PCSK5: variants seen among roughly 807,000 people sequenced by gnomAD.
PCSK5 encodes the protein proprotein convertase subtilisin/kexin type 5.
Under a neutral mutation model 233.2 loss-of-function variants are expected in PCSK5, and 129 were observed. The observed-to-expected ratio is 0.55, with a 90% CI of 0.48 to 0.64. The LOEUF (loss-of-function observed/expected upper bound fraction) is 0.64. PCSK5 is among the 30% of genes least tolerant of loss of function. PCSK5 has a pLI of 0.00. For missense variants in PCSK5, 2,076 were observed against 2,430.1 expected (o/e 0.85, Z 3.06); for synonymous variants, 825 against 879.2 (o/e 0.94, Z 1.09).
At chr9:76,245,184 A>G (rs1451336616) in intron 24 of PCSK5, among the ~76,000 whole-genome samples, 9 of 152,214 alleles carry the variant, frequency 5.9e-5, no homozygotes, top group African/African-American at 1.7e-4. Context: ...ATCAAATTAC[A>G]TAAGTTGTTC....
At chr9:76,064,156 C>A (rs1427903757) in intron 5 of PCSK5, among the ~76,000 whole-genome samples, 1 of 128,906 alleles carries the variant, frequency 7.8e-6, no homozygotes, top group East Asian at 2.4e-4. Context: ...ACCTCCCTCC[C>A]GGACGGGGCG....
At chr9:75,916,375 T>C (rs1822990161) in intron 1 of PCSK5, among the ~76,000 whole-genome samples, 1 of 152,200 alleles carries the variant, frequency 6.6e-6, no homozygotes, top group African/African-American at 2.4e-5. Context: ...TTATAACTTA[T>C]TCATTCTGTA....
At chr9:76,236,505 G>A (rs549499360) in intron 22 of PCSK5, among the ~76,000 whole-genome samples, 2 of 152,210 alleles carry the variant, frequency 1.3e-5, no homozygotes, top group South Asian at 2.1e-4. Context: ...AAATAGCTTC[G>A]TCTACATACT....
chr9:76,031,777 A>G (rs1828661805), intron 5 of PCSK5, among the ~76,000 whole-genome samples: 1 of 152,236 alleles, frequency 6.6e-6, no homozygotes, highest in Non-Finnish European at 1.5e-5. Context: ...CTACATAATT[A>G]CAGTTGTTAT....
At chr9:76,238,507 CA>C in intron 22 of PCSK5, among the ~76,000 whole-genome samples, 1 of 152,278 alleles carries the variant, frequency 6.6e-6, no homozygotes, top group Non-Finnish European at 1.5e-5. Flanking sequence ...GATAACAATT[CA>C]AAATCATTTT....
chr9:76,198,171 AC>A (rs946635373), intron 20 of PCSK5, among the ~76,000 whole-genome samples: 1 of 152,142 alleles, frequency 6.6e-6, no homozygotes, highest in Non-Finnish European at 1.5e-5. Context: ...ACTTACAAGG[AC>A]AGTTTGACTG....
chr9:75,945,868 C>T (rs1440024047), intron 2 of PCSK5, among the ~76,000 whole-genome samples: 2 of 152,148 alleles, frequency 1.3e-5, no homozygotes, highest in East Asian at 1.9e-4. Flanking sequence ...TTTGAAAGAC[C>T]TCCCTCAATA....
chr9:76,121,842 G>GGTTA (rs1303931844), intron 9 of PCSK5, among the ~76,000 whole-genome samples: 5 of 15,518 alleles, frequency 3.2e-4, no homozygotes, highest in Non-Finnish European at 7.7e-4. Flanking sequence ...TTTTTTTTTT[G>GGTTA]AGACGGAGTC....
At chr9:75,973,122 A>G (rs1206782828) in intron 2 of PCSK5, among the ~76,000 whole-genome samples, 4 of 152,216 alleles carry the variant, frequency 2.6e-5, no homozygotes, top group Non-Finnish European at 5.9e-5. Flanking sequence ...GTTTGGTGGC[A>G]TTAAGGAAAC....
At chr9:75,899,411 T>C (rs1454873461) in intron 1 of PCSK5, among the ~76,000 whole-genome samples, 1 of 152,172 alleles carries the variant, frequency 6.6e-6, no homozygotes, top group Non-Finnish European at 1.5e-5. Flanking sequence ...TCTTAGCAAA[T>C]AGTCAATAAA....
intron 2 of PCSK5, among the ~76,000 whole-genome samples, chr9:75,960,248 CTCAG>C (rs781712731): frequency 2.0e-5 from 3 of 152,174 alleles, no homozygotes; most frequent in Admixed American, 6.5e-5. Flanking sequence ...GGTCAGAAGA[CTCAG>C]TCAGAGCAAT....
At position 76,331,662 on chromosome 9, in the gene PCSK5, A is replaced by G. The variant is rs566779418; in HGVS notation, c.4571-771A>G. 6.5e-4 allele frequency among the ~76,000 whole-genome samples: 85 copies of G among 131,032 alleles called. 2 individuals are homozygous for G. In the South Asian group the frequency reaches 0.021, roughly 32 times the overall value. 86.0% of individuals were successfully genotyped at this position (131,032 alleles called of 152,430 possible). ...AGCCTGGGCGACAGAGTGAGACTCC[A>G]TCTCAAAAAAAAAAAAAAAGAGAGA... is the stretch of plus-strand genomic sequence containing the variant. On this transcript the variant is annotated intron_variant, in intron 33 of 37. Transcript: ENST00000674117.
chr9:75,945,995 T>C (rs934035723), intron 2 of PCSK5, among the ~76,000 whole-genome samples: 14 of 152,246 alleles, frequency 9.2e-5, no homozygotes, highest in African/African-American at 3.4e-4. Flanking sequence ...TTGGTGACTG[T>C]TGGTTTTCTC....
intron 24 of PCSK5, among the ~76,000 whole-genome samples, chr9:76,244,581 T>TTA (rs1826527559): frequency 1.3e-5 from 2 of 148,814 alleles, no homozygotes; most frequent in Non-Finnish European, 3.0e-5. Context: ...TTTTTTTTTT[T>TTA]AGCTTTGTAT....
At chr9:76,288,674 C>T (rs751546349) in intron 24 of PCSK5, among the ~76,000 whole-genome samples, 74 of 152,184 alleles carry the variant, frequency 4.9e-4, no homozygotes, top group Middle Eastern at 3.4e-3. Flanking sequence ...TGACTTGTGC[C>T]GACATTTTAT....
intron 3 of PCSK5, among the ~76,000 whole-genome samples, chr9:76,007,195 CT>C (rs1466942565): frequency 6.6e-6 from 1 of 151,972 alleles, no homozygotes; most frequent in Non-Finnish European, 1.5e-5. Context: ...TGTTTTTGTT[CT>C]GTCCATATAT....
intron 35 of PCSK5, among the ~76,000 whole-genome samples, chr9:76,350,132 A>C (rs893393609): frequency 3.3e-5 from 5 of 152,076 alleles, no homozygotes; most frequent in African/African-American, 1.2e-4. Context: ...AAAAGAAAGA[A>C]AGACAGATCA....
At position 76,042,675 on chromosome 9, in the gene PCSK5, G is replaced by A. The variant is rs138750823; in HGVS notation, c.632+15638G>A. Among the ~76,000 whole-genome samples the A allele has an allele frequency of 4.6e-5, 7 of 152,146 alleles. No homozygotes were observed. The East Asian group carries it at 1.2e-3, about 25-fold the overall frequency. On this transcript the variant is annotated intron_variant, in intron 5 of 37. Coordinates refer to ENST00000674117, the MANE Select transcript of PCSK5 (RefSeq NM_001372043.1). ...TTTGTTAAAAAACCTAAAAGTTTCAGCAAAGGGAAAAAACTTTACTATAGA... is the reference window on the plus strand; with the variant it reads ...TTTGTTAAAAAACCTAAAAGTTTCAACAAAGGGAAAAAACTTTACTATAGA...
At position 76,351,500 on chromosome 9, in the gene PCSK5, GA is replaced by G. The variant is rs1182779771; in HGVS notation, c.5067+575del. Among the ~76,000 whole-genome samples, 15 of 101,732 alleles carry G rather than the reference GA, an allele frequency of 1.5e-4. No homozygotes were observed. The South Asian group carries it at 2.2e-3, about 15-fold the overall frequency. 66.7% of individuals were successfully genotyped at this position (101,732 alleles called of 152,430 possible). Reference sequence around the variant, plus strand: ...AGAAAGAAAGAAAGAAAGAAAGAAAGAAAGAAAGAAAGAAAGAAAGAAAGAA... The same window carrying G: ...AGAAAGAAAGAAAGAAAGAAAGAAAGAAGAAAGAAAGAAAGAAAGAAAGAA... On this transcript the variant is annotated intron_variant, in intron 36 of 37. Transcript: ENST00000674117.
Sources: allele counts gnomAD v4.1 joint callset (sites outside exome capture counted in the v4.1 genomes callset), GRCh38; gene constraint gnomAD v4.1.1; transcripts MANE v1.5; gene names NCBI Gene and HGNC (gene_info 2026-07-23, HGNC 2026-07-21).